BCKDHB: variants seen among roughly 807,000 people sequenced by gnomAD.
The protein encoded by BCKDHB is 2-oxoisovalerate dehydrogenase subunit beta, mitochondrial.
In BCKDHB, 41 loss-of-function variants were observed where a neutral mutation model predicts 48.5. The ratio of observed to expected loss-of-function variants is 0.85; its 90% confidence interval spans 0.66 to 1.10. BCKDHB has a LOEUF of 1.10. Among genes scored for constraint, BCKDHB ranks in the 50% least tolerant of loss-of-function variants. The probability of loss-of-function intolerance (pLI) is 0.00; values close to 1 mark genes in which losing one functional copy is unlikely to be tolerated. For synonymous variants in BCKDHB, 201 were observed against 174.8 expected, an observed-to-expected ratio of 1.15 and a Z score of -1.18; for missense variants, 496 against 494.2, an observed-to-expected ratio of 1.00 and a Z score of -0.03.
At chr6:80,221,168 T>A (rs1775433439) in intron 8 of BCKDHB, among the ~76,000 whole-genome samples, 1 of 152,206 alleles carries the variant, frequency 6.6e-6, no homozygotes, top group Non-Finnish European at 1.5e-5. Context: ...TACCTGCTCA[T>A]GAGCTCATCT....
At position 80,129,229 on chromosome 6, in the gene BCKDHB, G is replaced by A; in HGVS notation, c.343G>A (p.Gly115Arg). The A allele has an allele frequency of 1.4e-5, 23 of 1,606,506 alleles. No individual in the cohort carries two copies. Among genetic ancestry groups the A allele is most frequent in the Non-Finnish European group, 2.0e-5 (23 of 1,174,014 alleles). Reference sequence around the variant, plus strand: ...CACTGTTGGCTTGCGAGACAAATATGGTAAGTAAATACCTATATGAATAGT... The same window carrying A: ...CACTGTTGGCTTGCGAGACAAATATAGTAAGTAAATACCTATATGAATAGT... ...RCTVGLRDKY[G>R]KDRVFNTPLC... The change falls in exon 3 of 10, where the codon GGA (glycine) becomes AGA (arginine). Residue 115 changes from glycine (G) to arginine (R), a missense_variant and splice_region_variant. Coordinates refer to ENST00000320393, the MANE Select transcript of BCKDHB (RefSeq NM_183050.4).
At chr6:80,234,335 A>G (rs1029986145) in intron 8 of BCKDHB, among the ~76,000 whole-genome samples, 1 of 152,168 alleles carries the variant, frequency 6.6e-6, no homozygotes, top group Non-Finnish European at 1.5e-5. Context: ...GTTTAGAACA[A>G]TGTGCTAGGT....
intron 3 of BCKDHB, among the ~76,000 whole-genome samples, chr6:80,158,213 A>G (rs985051818): frequency 3.3e-5 from 5 of 152,184 alleles, no homozygotes; most frequent in African/African-American, 1.2e-4. Context: ...AGACTCATTG[A>G]TTACAGAGGG....
the BCKDHB span, among the ~76,000 whole-genome samples, chr6:80,439,762 AT>A: frequency 6.6e-6 from 1 of 152,208 alleles, no homozygotes; most frequent in Admixed American, 6.5e-5. Context: ...GGGGAAATCA[AT>A]TCTAAAGCTG....
the BCKDHB span, among the ~76,000 whole-genome samples, chr6:80,419,377 G>A: frequency 6.6e-6 from 1 of 152,162 alleles, no homozygotes; most frequent in Non-Finnish European, 1.5e-5. Flanking sequence ...TGCAAGCAGG[G>A]ATGGCCAGGC....
At chr6:80,420,281 T>G in the BCKDHB span, among the ~76,000 whole-genome samples, 1 of 152,218 alleles carries the variant, frequency 6.6e-6, no homozygotes, top group Non-Finnish European at 1.5e-5. Flanking sequence ...ATTCACCTCC[T>G]CCAGTCTTTA....
intron 8 of BCKDHB, among the ~76,000 whole-genome samples, chr6:80,236,199 C>T (rs900280364): frequency 2.0e-5 from 3 of 152,046 alleles, no homozygotes; most frequent in African/African-American, 7.3e-5. Flanking sequence ...TTGCTGTGTT[C>T]CCAAAGTACT....
chr6:80,423,179 C>T, the BCKDHB span, among the ~76,000 whole-genome samples: 2 of 151,232 alleles, frequency 1.3e-5, no homozygotes, highest in Non-Finnish European at 2.9e-5. Flanking sequence ...TGGTAGTGTT[C>T]CCTATGCTCT....
chr6:80,349,777 C>A (rs752373077), downstream of BCKDHB, among the ~76,000 whole-genome samples: 3 of 151,970 alleles, frequency 2.0e-5, no homozygotes, highest in Non-Finnish European at 2.9e-5. Context: ...TATTAAAATA[C>A]AAGTGAAAAC....
At chr6:80,161,002 T>C (rs1206432856) in intron 3 of BCKDHB, among the ~76,000 whole-genome samples, 1 of 152,230 alleles carries the variant, frequency 6.6e-6, no homozygotes, top group Non-Finnish European at 1.5e-5. Context: ...TTTACTTTTT[T>C]TTGCCCAATC....
intron 8 of BCKDHB, among the ~76,000 whole-genome samples, chr6:80,246,293 A>T (rs1344172669): frequency 1.3e-5 from 2 of 152,314 alleles, no homozygotes; most frequent in Non-Finnish European, 2.9e-5. Context: ...GTGTCCATCC[A>T]GTCTGTGGTC....
intron 9 of BCKDHB, among the ~76,000 whole-genome samples, chr6:80,321,235 G>C (rs2128001783): frequency 6.6e-6 from 1 of 152,290 alleles, no homozygotes; most frequent in Admixed American, 6.5e-5. Flanking sequence ...CAGAATATCA[G>C]TAGTGGTTAG....
At chr6:80,106,655 T>A, upstream of BCKDHB, 6 of 1,542,330 alleles carry the variant, frequency 3.9e-6, no homozygotes, top group Non-Finnish European at 5.2e-6. Flanking sequence ...GCAGGCGGCG[T>A]GCGGCTGCAT....
chr6:80,202,937 G>A (rs1196144797), intron 7 of BCKDHB, among the ~76,000 whole-genome samples, 165 bp from the exon 8 acceptor site: 2 of 151,682 alleles, frequency 1.3e-5, no homozygotes, highest in African/African-American at 2.4e-5. Flanking sequence ...TGTTATTTTC[G>A]CAGAATATGG....
At chr6:80,446,186 C>T in the BCKDHB span, among the ~76,000 whole-genome samples, 1 of 152,088 alleles carries the variant, frequency 6.6e-6, no homozygotes, top group African/African-American at 2.4e-5. Flanking sequence ...TTGTCAAATC[C>T]AGTGTAAGTT....
rs919741029 is a variant in BCKDHB at position 80,151,387 on chromosome 6, A to G, written c.344-16291A>G. ...AATTAGAAAACATTTCAGATTTAGA[A>G]TATAATGATATTATTTAATTTTTAA... On this transcript the variant is annotated intron_variant, in intron 3 of 9. Coordinates refer to ENST00000320393, the MANE Select transcript of BCKDHB (RefSeq NM_183050.4). Among the ~76,000 whole-genome samples the G allele has an allele frequency of 1.9e-4, 29 of 151,986 alleles. 1 individual carries two copies. Among genetic ancestry groups the G allele is most frequent in the East Asian group, 1.2e-3 (6 of 5,180 alleles).
At chr6:80,205,234 T>C (rs1050094016) in intron 8 of BCKDHB, among the ~76,000 whole-genome samples, 1 of 151,338 alleles carries the variant, frequency 6.6e-6, no homozygotes, top group Non-Finnish European at 1.5e-5. Context: ...AAAATGAGGG[T>C]TTTTTTTCCC....
chr6:80,178,053 A>G (rs1211929460), intron 6 of BCKDHB, among the ~76,000 whole-genome samples: 4 of 152,160 alleles, frequency 2.6e-5, no homozygotes, highest in Admixed American at 2.0e-4. Flanking sequence ...TACTGCCCTT[A>G]TCTTACCCAA....
Position 80,115,859 on chromosome 6 carries a change from A to G in BCKDHB, c.196+8970A>G, listed in dbSNP as rs568906278. Among the ~76,000 whole-genome samples, 3 of 152,040 alleles carry G rather than the reference A, an allele frequency of 2.0e-5. No homozygotes were observed. In the East Asian group the frequency reaches 5.8e-4, roughly 29 times the overall value. On this transcript the variant is annotated intron_variant, in intron 1 of 9. Transcript: ENST00000320393. ...TACCGTGTTAGCAAGGATGGTCTCA[A>G]TCTCCTGACCTCATGATCCACCCCC...
Sources: allele counts gnomAD v4.1 joint callset (sites outside exome capture counted in the v4.1 genomes callset), GRCh38; gene constraint gnomAD v4.1.1; transcripts MANE v1.5; gene names NCBI Gene and HGNC (gene_info 2026-07-23, HGNC 2026-07-21).